KCNJ12: variants seen among roughly 807,000 people sequenced by gnomAD.
KCNJ12 encodes ATP-sensitive inward rectifier potassium channel 12.
KCNJ12 carries 2 observed loss-of-function variants against 22.3 expected under a neutral mutation model. The observed-to-expected ratio is 0.09, with a 90% CI of 0.04 to 0.28. The LOEUF is 0.28. Ranked by LOEUF, KCNJ12 falls within the 10% of genes least tolerant of loss-of-function variation. The pLI, the probability that KCNJ12 is intolerant of heterozygous loss-of-function variation, is 1.00. For synonymous variants in KCNJ12, 117 were observed against 261.4 expected, an observed-to-expected ratio of 0.45 and a Z score of 5.33; for missense variants, 155 against 633.3, an observed-to-expected ratio of 0.24 and a Z score of 8.11.
intron 2 of KCNJ12, among the ~76,000 whole-genome samples, chr17:21,412,116 GTT>G (rs1906387991): frequency 2.6e-3 from 392 of 152,346 alleles, no homozygotes; most frequent in African/African-American, 8.4e-3. Flanking sequence ...CTTCTGCTCA[GTT>G]TCCAGGGGTC....
At chr17:21,414,136 T>G (rs1355603918) in intron 2 of KCNJ12, among the ~76,000 whole-genome samples, 1 of 152,408 alleles carries the variant, frequency 6.6e-6, no homozygotes, top group East Asian at 1.9e-4. Context: ...GTGTTCAAAG[T>G]GGGTGGCGAC....
At chr17:21,387,397 G>A (rs1367950351) in intron 1 of KCNJ12, among the ~76,000 whole-genome samples, 1 of 140,402 alleles carries the variant, frequency 7.1e-6, no homozygotes, top group African/African-American at 2.8e-5. Flanking sequence ...AGCCGAGATC[G>A]CGCCATAGCA....
chr17:21,391,270 A>G (rs1290425694), intron 1 of KCNJ12, among the ~76,000 whole-genome samples: 1 of 152,178 alleles, frequency 6.6e-6, no homozygotes, highest in African/African-American at 2.4e-5. Context: ...GTTCCCTTGG[A>G]TGCCGGTTTC....
intron 1 of KCNJ12, among the ~76,000 whole-genome samples, chr17:21,396,836 C>T (rs529647193): frequency 1.1e-4 from 17 of 152,288 alleles, no homozygotes; most frequent in African/African-American, 3.4e-4. Context: ...CTCAGGTAGC[C>T]GTGGGGACGG....
chr17:21,383,857 T>A (rs925518244), intron 1 of KCNJ12, among the ~76,000 whole-genome samples: 9 of 152,176 alleles, frequency 5.9e-5, no homozygotes, highest in African/African-American at 1.9e-4. Context: ...TGGGGCAGGA[T>A]GAAATAGACA....
chr17:21,388,771 G>A (rs1417875134), intron 1 of KCNJ12, among the ~76,000 whole-genome samples: 1 of 152,240 alleles, frequency 6.6e-6, no homozygotes, highest in Non-Finnish European at 1.5e-5. Context: ...AAGGAGTGGG[G>A]CTTGAGAGAT....
In KCNJ12 at chr17:21,418,912, G is replaced by A. The variant is rs1288526171; in HGVS notation, c.*2268G>A. On this transcript the variant is annotated 3_prime_UTR_variant, in exon 3 of 3. Transcript: ENST00000583088. ...ACTCCCCCGACCCAGAGCTGAGTCCGAGGACCCCAGGCCCACCTCCTGGCC... is the reference window on the plus strand; with the variant it reads ...ACTCCCCCGACCCAGAGCTGAGTCCAAGGACCCCAGGCCCACCTCCTGGCC... The A allele has an allele frequency of 2.4e-5, 4 of 166,592 alleles. No homozygotes were observed. The highest frequency in any genetic ancestry group is 4.8e-5 in the African/African-American group (2 of 41,428). 10.3% of individuals were successfully genotyped at this position (166,592 alleles called of 1,614,324 possible).
At chr17:21,400,516 C>A (rs542632302) in intron 1 of KCNJ12, among the ~76,000 whole-genome samples, 1 of 152,306 alleles carries the variant, frequency 6.6e-6, no homozygotes, top group Non-Finnish European at 1.5e-5. Flanking sequence ...TCATGCTACA[C>A]CCCGCACAGA....
At chr17:21,391,017 G>C (rs1905196830) in intron 1 of KCNJ12, among the ~76,000 whole-genome samples, 1 of 152,132 alleles carries the variant, frequency 6.6e-6, no homozygotes, top group South Asian at 2.1e-4. Context: ...CTGTAGCTGT[G>C]GATCTTCCTA....
At chr17:21,389,505 T>C (rs1006284988) in intron 1 of KCNJ12, among the ~76,000 whole-genome samples, 1 of 152,210 alleles carries the variant, frequency 6.6e-6, no homozygotes, top group Non-Finnish European at 1.5e-5. Flanking sequence ...CCGCAGTTTG[T>C]GGTGGCGGCA....
chr17:21,379,685 C>A (rs1478520575), intron 1 of KCNJ12, among the ~76,000 whole-genome samples: 4 of 149,490 alleles, frequency 2.7e-5, no homozygotes, highest in Non-Finnish European at 5.9e-5. Flanking sequence ...GAACTGGCAG[C>A]GTGATGGGGA....
At chr17:21,408,701 A>C (rs1304037853) in intron 2 of KCNJ12, 61 bp downstream of exon 2, 1 of 152,334 alleles carries the variant, frequency 6.6e-6, no homozygotes, top group African/African-American at 2.4e-5. Flanking sequence ...CCAGACTCTC[A>C]TCTGTACATC....
intron 2 of KCNJ12, among the ~76,000 whole-genome samples, chr17:21,411,986 G>T (rs1906377286): frequency 6.6e-6 from 1 of 152,296 alleles, no homozygotes; most frequent in South Asian, 2.1e-4. Context: ...CCAGTGAGGG[G>T]GCTCCCAGCA....
intron 1 of KCNJ12, among the ~76,000 whole-genome samples, chr17:21,398,091 A>ATGTGTG (rs58836229): frequency 2.7e-5 from 4 of 146,836 alleles, no homozygotes; most frequent in South Asian, 2.2e-4. Flanking sequence ...ACGTGTGTGT[A>ATGTGTG]TGTGTGTGTG....
In KCNJ12 at chr17:21,415,393, G is replaced by A. The variant is rs2142080170; in HGVS notation, c.51G>A (p.Glu17=). The A allele has an allele frequency of 6.2e-7, 1 of 1,613,194 alleles. No homozygotes were observed. The highest frequency in any genetic ancestry group is 8.5e-7 in the Non-Finnish European group (1 of 1,180,048). The part of the protein sequence containing the change: ...ANPYSIVSSE[E]DGLHLVTMSG... The stretch of plus-strand genomic sequence containing the variant: ...CCTACAGCATCGTGTCATCGGAGGA[G>A]GACGGGCTGCACCTGGTCACCATGT... Residue 17 remains glutamate, a synonymous_variant, in exon 3 of 3, where the codon GAG becomes GAA. Transcript: ENST00000583088.
intron 1 of KCNJ12, among the ~76,000 whole-genome samples, chr17:21,381,624 C>T (rs1555557938): frequency 6.6e-6 from 1 of 152,154 alleles, no homozygotes; most frequent in Non-Finnish European, 1.5e-5. Context: ...GCTTTCATGT[C>T]TTGCCCAGAT....
At chr17:21,397,923 T>C (rs1440980144) in intron 1 of KCNJ12, among the ~76,000 whole-genome samples, 1 of 152,150 alleles carries the variant, frequency 6.6e-6, no homozygotes, top group Admixed American at 6.5e-5. Flanking sequence ...CTCCTTTTCT[T>C]CTTTCAGCCT....
rs1313171932 is a variant in KCNJ12, at chr17:21,416,649, A to G, written c.*5A>G. The G allele has an allele frequency of 1.1e-5, 17 of 1,596,244 alleles. No individual in the cohort carries two copies. Among genetic ancestry groups the G allele is most frequent in the Admixed American group, 1.7e-5 (1 of 58,198 alleles). On this transcript the variant is annotated 3_prime_UTR_variant, in exon 3 of 3. Coordinates refer to ENST00000583088, the MANE Select transcript of KCNJ12 (RefSeq NM_021012.5). ...AGACGGGAGTCAGAGATCTGAGCCA[A>G]CCTTGGCCGACATGCAGCATCCACC...
At position 21,417,368 on chromosome 17, in the gene KCNJ12, C is replaced by T. The variant is rs1279671996; in HGVS notation, c.*724C>T. On this transcript the variant is annotated 3_prime_UTR_variant, in exon 3 of 3. Transcript: ENST00000583088. ...GATCGTAATAAAAGCTTTCTACTGT[C>T]GTTGGGGTGGTGGGTGGGGCTGGGA... 11 of 167,146 alleles carry T rather than the reference C, an allele frequency of 6.6e-5. No homozygotes were observed. Among genetic ancestry groups the T allele is most frequent in the South Asian group, 2.1e-4 (1 of 4,830 alleles). 10.4% of individuals were successfully genotyped at this position (167,146 alleles called of 1,614,324 possible).
Sources: allele counts gnomAD v4.1 joint callset (sites outside exome capture counted in the v4.1 genomes callset), GRCh38; gene constraint gnomAD v4.1.1; transcripts MANE v1.5; gene names NCBI Gene and HGNC (gene_info 2026-07-23, HGNC 2026-07-21).